The following ASCC1 variants were observed in gnomAD, a reference collection of about 807,000 sequenced individuals.
ASCC1 encodes the protein ASC-1 complex subunit P50.
Under a neutral mutation model 46.6 loss-of-function variants are expected in ASCC1, and 35 were observed. The ratio of observed to expected loss-of-function variants is 0.75; its 90% CI spans 0.57 to 0.99. ASCC1 has a LOEUF of 0.99. Among genes scored for constraint, ASCC1 ranks in the 50% least tolerant of loss-of-function variants. The pLI is 0.00. For synonymous variants in ASCC1, 143 were observed against 146.6 expected, an observed-to-expected ratio of 0.98 and a Z score of 0.18; for missense variants, 376 against 428.7, an observed-to-expected ratio of 0.88 and a Z score of 1.09.
intron 3 of ASCC1, among the ~76,000 whole-genome samples, chr10:72,207,813 G>GTT (rs1564763872): frequency 8.9e-6 from 1 of 112,406 alleles, no homozygotes; most frequent in East Asian, 2.1e-4. Flanking sequence ...AGAAATCTTA[G>GTT]TATTTTTTTT....
intron 9 of ASCC1, among the ~76,000 whole-genome samples, chr10:72,124,937 T>C (rs7097028): frequency 0.048 from 7,317 of 152,216 alleles, 526 homozygotes; most frequent in African/African-American, 0.15. Context: ...TTGTCAGTTC[T>C]TAATTCAAAG....
rs1589164195 is a variant in ASCC1, at chr10:72,105,043, C to G, written c.958-7593G>C. Among the ~76,000 whole-genome samples the G allele has an allele frequency of 2.6e-5, 4 of 152,248 alleles. No individual in the cohort carries two copies. The East Asian group carries it at 7.7e-4, about 29-fold the overall frequency. The stretch of plus-strand genomic sequence containing the variant: ...CTCCCATGTCTGCTGAGAGCCATTT[C>G]CATCACTTAATAAAATTCTCTGCCT... On this transcript the variant is annotated intron_variant, in intron 9 of 9. Transcript: ENST00000672957.
At chr10:72,179,180 A>G (rs1192224459) in intron 5 of ASCC1, among the ~76,000 whole-genome samples, 4 of 152,038 alleles carry the variant, frequency 2.6e-5, no homozygotes, top group Non-Finnish European at 5.9e-5. Context: ...TAATTTTTGT[A>G]TGTTTTGTAG....
chr10:72,172,188 G>A (rs942887684), intron 5 of ASCC1, among the ~76,000 whole-genome samples: 1 of 151,896 alleles, frequency 6.6e-6, no homozygotes, highest in Non-Finnish European at 1.5e-5. Context: ...GGCCGAGGCG[G>A]GCGGATCACG....
chr10:72,121,790 A>G (rs1300901353), intron 9 of ASCC1, among the ~76,000 whole-genome samples: 1 of 152,244 alleles, frequency 6.6e-6, no homozygotes, highest in Non-Finnish European at 1.5e-5. Flanking sequence ...TGAACTCACT[A>G]TTATAGTTGG....
intron 6 of ASCC1, among the ~76,000 whole-genome samples, chr10:72,154,980 T>G (rs527578429): frequency 1.3e-4 from 20 of 152,150 alleles, no homozygotes; most frequent in African/African-American, 4.6e-4. Flanking sequence ...CATTAAAAAC[T>G]GATATAAAAT....
Position 72,213,289 on chromosome 10 carries a change from G to A in ASCC1, c.10C>T (p.Leu4=). 1.2e-6 allele frequency: 2 copies of A among 1,610,530 alleles called. No individual in the cohort carries two copies. Among genetic ancestry groups the A allele is most frequent in the Non-Finnish European group, 1.7e-6 (2 of 1,176,988 alleles). The part of the protein sequence containing the change: MEV[L]RPQLIRIDGR... ...TCAATTCTTATAAGCTGTGGACGCA[G>A]AACTTCCATGACACTTTCTCCAAAT... The change falls in exon 2 of 10, where the codon CTG becomes TTG. Residue 4 remains leucine, a synonymous_variant. Coordinates refer to ENST00000672957, the MANE Select transcript of ASCC1 (RefSeq NM_001198800.3).
chr10:72,138,862 G>A (rs575676692), intron 7 of ASCC1, among the ~76,000 whole-genome samples: 23 of 151,412 alleles, frequency 1.5e-4, no homozygotes, highest in Admixed American at 2.6e-4. Flanking sequence ...CACCGCGCTC[G>A]GCTTGTTCTG....
intron 9 of ASCC1, among the ~76,000 whole-genome samples, chr10:72,118,025 G>A (rs148401094): frequency 2.6e-5 from 4 of 152,188 alleles, no homozygotes; most frequent in Admixed American, 2.6e-4. Context: ...GACTTTCTGA[G>A]AAATTTGAGT....
In ASCC1 at chr10:72,192,106, C is replaced by A. The variant is rs1854604586; in HGVS notation, c.489+4705G>T. ...GAGAAAATATCTGCAAATCACATAT[C>A]CTCAAAAGGACTTGTATCAACAATA... On this transcript the variant is annotated intron_variant, in intron 5 of 9. Transcript: ENST00000672957. Among the ~76,000 whole-genome samples the A allele has an allele frequency of 3.9e-5, 6 of 151,960 alleles. No homozygotes were observed. The South Asian group carries it at 1.2e-3, about 32-fold the overall frequency.
In ASCC1 at chr10:72,097,402, T is replaced by C; in HGVS notation, c.1006A>G (p.Ile336Val). 6.2e-7 allele frequency: 1 copy of C among 1,614,042 alleles called. No individual in the cohort carries two copies. Among genetic ancestry groups the C allele is most frequent in the Non-Finnish European group, 8.5e-7 (1 of 1,179,892 alleles). The change falls in exon 10 of 10, where the codon ATC becomes GTC. Residue 336 changes from isoleucine to valine, a missense_variant. Physicochemically the swap from Ile to Val is conservative, Grantham distance 29 (BLOSUM62 3). Transcript: ENST00000672957. Reference protein sequence around the residue: ...FGSLKLNSIHISQRFTVDSFG... With the variant: ...FGSLKLNSIHVSQRFTVDSFG... ...CTGTCTACGGTGAACCTCTGAGAGA[T>C]GTGAATTGAATTCAGCTTTAGGGAG...
At chr10:72,136,975 G>A (rs889647183) in intron 7 of ASCC1, among the ~76,000 whole-genome samples, 1 of 150,714 alleles carries the variant, frequency 6.6e-6, no homozygotes, top group Non-Finnish European at 1.5e-5. Context: ...TTTAAGAACT[G>A]TAACACTCAC....
chr10:72,097,344 T>G lies in ASCC1; in HGVS notation c.1064A>C (p.Asp355Ala), dbSNP rs1255653745. The change falls in exon 10 of 10, where the codon GAC becomes GCC. Residue 355 changes from aspartate (D) to alanine (A), a missense_variant. Asp to Ala is a moderately radical substitution (Grantham distance 126). Coordinates refer to ENST00000672957, the MANE Select transcript of ASCC1 (RefSeq NM_001198800.3). ...TTTCCAAGATCCACCTCAGGAGAAG[T>G]CAATTTGTCCACAGGAAGCGTAGTT... ...FGNYASCGQI[D>A]FS 6.2e-7 allele frequency: 1 copy of G among 1,607,620 alleles called. No homozygotes were observed. The highest frequency in any genetic ancestry group is 1.3e-5 in the African/African-American group (1 of 74,772).
intron 9 of ASCC1, among the ~76,000 whole-genome samples, chr10:72,117,347 T>C (rs1843613119): frequency 6.6e-6 from 1 of 152,226 alleles, no homozygotes; most frequent in South Asian, 2.1e-4. Flanking sequence ...GGTACCTTCT[T>C]CCAGAGATTT....
rs566495277 is a variant in ASCC1 at position 72,125,458 on chromosome 10, A to G, written c.957+2624T>C. 2.4e-3 allele frequency among the ~76,000 whole-genome samples: 368 copies of G among 152,282 alleles called. 3 individuals are homozygous for G. The highest frequency in any genetic ancestry group is 8.3e-3 in the African/African-American group (344 of 41,556). Reference sequence around the variant, plus strand: ...TTCATATCATACAAAAACTATATATATGAAGTTCACTGGTTTTCTAAATCC... The same window carrying G: ...TTCATATCATACAAAAACTATATATGTGAAGTTCACTGGTTTTCTAAATCC... On this transcript the variant is annotated intron_variant, in intron 9 of 9. Coordinates refer to ENST00000672957, the MANE Select transcript of ASCC1 (RefSeq NM_001198800.3).
At chr10:72,208,605 C>T (rs1244994796) in intron 3 of ASCC1, among the ~76,000 whole-genome samples, 6 of 152,020 alleles carry the variant, frequency 3.9e-5, no homozygotes, top group Non-Finnish European at 7.4e-5. Flanking sequence ...ACTAAAAATA[C>T]AAAAATTAGC....
At chr10:72,193,141 C>G (rs1854802292) in intron 5 of ASCC1, among the ~76,000 whole-genome samples, 1 of 152,148 alleles carries the variant, frequency 6.6e-6, no homozygotes, top group Admixed American at 6.6e-5. Context: ...GGGTATTTTA[C>G]TGTAAAGAAA....
intron 9 of ASCC1, among the ~76,000 whole-genome samples, chr10:72,106,670 T>A (rs1183369554): frequency 6.6e-6 from 1 of 152,232 alleles, no homozygotes; most frequent in African/African-American, 2.4e-5. Flanking sequence ...GAAGCCTTGC[T>A]GTGGTTAAAT....
intron 6 of ASCC1, among the ~76,000 whole-genome samples, chr10:72,157,072 G>C (rs1157713881): frequency 1.3e-5 from 2 of 152,132 alleles, no homozygotes; most frequent in African/African-American, 4.8e-5. Context: ...CTCCCAAAGT[G>C]CTTGGGTTAC....
Sources: gnomAD v4.1 joint callset for allele counts (sites outside exome capture counted in the v4.1 genomes callset) on GRCh38, gnomAD v4.1.1 for gene constraint, MANE v1.5 for transcripts, NCBI Gene and HGNC (gene_info 2026-07-23, HGNC 2026-07-21) for gene names.